Variants in CACNA2D2 observed in about 807,000 individuals in gnomAD.
CACNA2D2 encodes the protein voltage-dependent calcium channel subunit alpha-2/delta-2.
CACNA2D2 carries 48 observed loss-of-function variants against 166.4 expected under a neutral mutation model. The ratio of observed to expected loss-of-function variants is 0.29; its 90% CI spans 0.23 to 0.37. CACNA2D2 has a LOEUF of 0.37. Among genes scored for constraint, CACNA2D2 ranks in the 10% least tolerant of loss-of-function variants. The pLI, the probability that CACNA2D2 is intolerant of heterozygous loss-of-function variation, is 1.00. For synonymous variants in CACNA2D2, 561 were observed against 573.7 expected (o/e 0.98, Z 0.32); for missense variants, 1,122 against 1,433.0 (o/e 0.78, Z 3.50).
chr3:50,367,682 C>A lies in CACNA2D2; in HGVS notation c.2257G>T (p.Ala753Ser), dbSNP rs148442391. 1 of 1,611,822 alleles carries A rather than the reference C, an allele frequency of 6.2e-7. No individual in the cohort carries two copies. Among genetic ancestry groups the A allele is most frequent in the South Asian group, 1.1e-5 (1 of 90,964 alleles). The change falls in exon 26 of 38, where the codon GCT (alanine) becomes TCT (serine). Residue 753 changes from alanine to serine, a missense_variant. Coordinates refer to ENST00000424201, the MANE Select transcript of CACNA2D2 (RefSeq NM_006030.4). The surrounding 1 kb of genome is among the most constrained non-coding windows in gnomAD (Gnocchi z 6.5). ...LNTYSLLAVF[A>S]ATDGGITRVF... ...CGGGTGATGCCACCGTCTGTGGCAG[C>A]GAACACGGCCAGTAGGCTGTACCTG... is the stretch of plus-strand genomic sequence containing the variant.
chr3:50,381,202 C>A, intron 6 of CACNA2D2, 76 bp from the exon 7 acceptor site: 2 of 1,521,872 alleles, frequency 1.3e-6, no homozygotes, highest in Non-Finnish European at 9.1e-7. Context: ...GACACTCATG[C>A]CTGTGCCCCC....
chr3:50,403,699 G>A (rs951439080), intron 3 of CACNA2D2, among the ~76,000 whole-genome samples: 1 of 152,188 alleles, frequency 6.6e-6, no homozygotes, highest in African/African-American at 2.4e-5. Flanking sequence ...ACCAGGCTCT[G>A]CCAACCTCAT....
chr3:50,375,629 C>T lies in CACNA2D2; in HGVS notation c.1907+15G>A, dbSNP rs973461294. On this transcript the variant is annotated intron_variant, in intron 21 of 37. Coordinates refer to ENST00000424201, the MANE Select transcript of CACNA2D2 (RefSeq NM_006030.4). The surrounding 1 kb of genome is among the most constrained non-coding windows in gnomAD (Gnocchi z 4.0). ...ACCCCACCCTCTCTGCCCGCCCAGC[C>T]CTGGCCTCACTTACCTGTAGTTAGT... The T allele has an allele frequency of 6.2e-7, 1 of 1,612,658 alleles. No individual in the cohort carries two copies. The highest frequency in any genetic ancestry group is 1.3e-5 in the African/African-American group (1 of 75,032).
intron 3 of CACNA2D2, among the ~76,000 whole-genome samples, chr3:50,413,227 G>C (rs1381615640): frequency 6.6e-6 from 1 of 152,132 alleles, no homozygotes; most frequent in African/African-American, 2.4e-5. Flanking sequence ...CCTGAATCCT[G>C]AGCTGGCCAG....
chr3:50,470,783 G>T (rs975262977), intron 2 of CACNA2D2, among the ~76,000 whole-genome samples: 1 of 151,890 alleles, frequency 6.6e-6, no homozygotes, highest in African/African-American at 2.4e-5. Context: ...GCCGGGTTGG[G>T]GGGGACACAG....
intron 13 of CACNA2D2, 152 bp downstream of exon 13, chr3:50,378,763 T>TA: frequency 1.1e-6 from 1 of 884,678 alleles, no homozygotes; most frequent in South Asian, 1.6e-5. Flanking sequence ...AGCCCCCAGA[T>TA]AGAGTGAGGG....
At chr3:50,430,769 C>T (rs1272443832) in intron 3 of CACNA2D2, among the ~76,000 whole-genome samples, 1 of 152,134 alleles carries the variant, frequency 6.6e-6, no homozygotes, top group Non-Finnish European at 1.5e-5. Context: ...CCTATTCCTC[C>T]CAGGACTCAA....
intron 1 of CACNA2D2, among the ~76,000 whole-genome samples, chr3:50,495,754 T>A (rs1471988708): frequency 6.6e-6 from 1 of 152,164 alleles, no homozygotes; most frequent in Non-Finnish European, 1.5e-5. Flanking sequence ...AAGGGAAAAG[T>A]GCCAGCCCAA....
At chr3:50,397,910 TGAGCACCCAGACCTTGGG>T (rs1706239890) in intron 3 of CACNA2D2, among the ~76,000 whole-genome samples, 2 of 152,208 alleles carry the variant, frequency 1.3e-5, no homozygotes, top group Non-Finnish European at 2.9e-5. Context: ...TGGCCCAGGC[TGAGCACCCAGACCTTGGG>T]CTCCTGTCCC....
At chr3:50,465,779 G>A (rs1380670598) in intron 2 of CACNA2D2, among the ~76,000 whole-genome samples, 1 of 152,150 alleles carries the variant, frequency 6.6e-6, no homozygotes, top group East Asian at 1.9e-4. Context: ...AGCATCTAGG[G>A]GTTGTAAGTG....
rs190518442 is a variant in CACNA2D2 at position 50,380,549 on chromosome 3, G to C, written c.842+199C>G. ...CCTGAGTGGGTGGGGGTGCTGGGCA[G>C]TGGACGGGGGGCATGGCAGCTGGGA... On this transcript the variant is annotated intron_variant, in intron 8 of 37. Coordinates refer to ENST00000424201, the MANE Select transcript of CACNA2D2 (RefSeq NM_006030.4). The surrounding 1 kb of genome is among the most constrained non-coding windows in gnomAD (Gnocchi z 4.9). Among the ~76,000 whole-genome samples, 300 of 152,322 alleles carry C rather than the reference G, an allele frequency of 2.0e-3. No homozygotes were observed. The highest frequency in any genetic ancestry group is 7.0e-3 in the African/African-American group (290 of 41,566).
chr3:50,383,773 C>T (rs2106685156), intron 6 of CACNA2D2, among the ~76,000 whole-genome samples: 1 of 152,304 alleles, frequency 6.6e-6, no homozygotes, highest in East Asian at 1.9e-4. Flanking sequence ...TCCCCCTACC[C>T]TCCGTGTCCA....
chr3:50,479,910 A>T (rs959442256), intron 1 of CACNA2D2, among the ~76,000 whole-genome samples: 1 of 152,164 alleles, frequency 6.6e-6, no homozygotes, highest in Non-Finnish European at 1.5e-5. Flanking sequence ...CATTGAGATG[A>T]CACTGCTTAT....
chr3:50,428,949 G>A (rs1005104313), intron 3 of CACNA2D2, among the ~76,000 whole-genome samples: 5 of 152,194 alleles, frequency 3.3e-5, no homozygotes, highest in African/African-American at 1.2e-4. Flanking sequence ...CCTGGTTTTG[G>A]CCAGGTGCCG....
At chr3:50,412,599 C>CT (rs141659903) in intron 3 of CACNA2D2, among the ~76,000 whole-genome samples, 7 of 89,288 alleles carry the variant, frequency 7.8e-5, no homozygotes, top group East Asian at 3.2e-4. Flanking sequence ...TTTTTCTTTT[C>CT]TTTTTTTTGC....
intron 1 of CACNA2D2, among the ~76,000 whole-genome samples, chr3:50,479,710 TG>T (rs11297803): frequency 0.088 from 13,420 of 152,212 alleles, 1,790 homozygotes; most frequent in African/African-American, 0.29. Context: ...AACGGATGCA[TG>T]GGAATGTCCC....
intron 1 of CACNA2D2, among the ~76,000 whole-genome samples, chr3:50,492,629 A>G (rs1466445047): frequency 6.6e-6 from 1 of 152,142 alleles, no homozygotes; most frequent in East Asian, 1.9e-4. Context: ...TTCTACTGGG[A>G]GGGGGATTGG....
intron 2 of CACNA2D2, among the ~76,000 whole-genome samples, chr3:50,454,210 G>C (rs867486858): frequency 1.2e-4 from 18 of 152,348 alleles, no homozygotes; most frequent in Middle Eastern, 3.4e-3. Context: ...TCTTGTGTCT[G>C]AGCACTGGGG....
At chr3:50,418,543 G>A (rs1470936377) in intron 3 of CACNA2D2, among the ~76,000 whole-genome samples, 3 of 152,222 alleles carry the variant, frequency 2.0e-5, no homozygotes, top group Non-Finnish European at 2.9e-5. Context: ...CACTCCCAGG[G>A]CCGGTCAGGG....
Sources: gnomAD v4.1 joint callset for allele counts (sites outside exome capture counted in the v4.1 genomes callset) on GRCh38, gnomAD v4.1.1 for gene constraint, Gnocchi (gnomAD v3.1) non-coding constraint, MANE v1.5 for transcripts, NCBI Gene and HGNC (gene_info 2026-07-23, HGNC 2026-07-21) for gene names.